ECHDC1: variants seen among roughly 807,000 people sequenced by gnomAD.
The protein encoded by ECHDC1 is ethylmalonyl-CoA decarboxylase.
Under a neutral mutation model 29.7 loss-of-function variants are expected in ECHDC1, and 29 were observed. The observed-to-expected ratio is 0.98, with a 90% confidence interval of 0.73 to 1.33. The LOEUF is 1.33. Among genes scored for constraint, ECHDC1 ranks in the 40% most tolerant of loss-of-function variants. ECHDC1 has a pLI of 0.00. For synonymous variants in ECHDC1, 126 were observed against 123.1 expected (o/e 1.02, Z -0.15); for missense variants, 328 against 350.0 (o/e 0.94, Z 0.50).
intron 3 of ECHDC1, among the ~76,000 whole-genome samples, chr6:127,317,284 T>C (rs1782465350): frequency 6.6e-6 from 1 of 152,108 alleles, no homozygotes; most frequent in Middle Eastern, 3.2e-3. Context: ...CCTAAATCCA[T>C]GCAGTTTCAA....
At chr6:127,323,042 A>C (rs1782972941) in intron 3 of ECHDC1, among the ~76,000 whole-genome samples, 1 of 152,178 alleles carries the variant, frequency 6.6e-6, no homozygotes, top group Non-Finnish European at 1.5e-5. Flanking sequence ...GATCTCATGT[A>C]CACAAACTTT....
At chr6:127,301,165 A>G (rs1781024201) in intron 5 of ECHDC1, among the ~76,000 whole-genome samples, 1 of 152,214 alleles carries the variant, frequency 6.6e-6, no homozygotes, top group Non-Finnish European at 1.5e-5. Context: ...ATTTTACATG[A>G]AAAGTATGAC....
chr6:127,296,184 T>TTG (rs1262569758), intron 5 of ECHDC1, among the ~76,000 whole-genome samples: 4 of 152,080 alleles, frequency 2.6e-5, no homozygotes, highest in African/African-American at 4.8e-5. Context: ...ATGACTACTT[T>TTG]TGTGTGTGTG....
intron 1 of ECHDC1, among the ~76,000 whole-genome samples, chr6:127,340,567 C>T (rs893778786): frequency 6.6e-6 from 1 of 152,188 alleles, no homozygotes; most frequent in Non-Finnish European, 1.5e-5. Flanking sequence ...TATTCAGAGC[C>T]AAACATAGCA....
At chr6:127,329,812 T>C (rs1392172852) in intron 2 of ECHDC1, 1 of 419,316 alleles carries the variant, frequency 2.4e-6, no homozygotes, top group Admixed American at 2.9e-5. Flanking sequence ...AAATTGCACA[T>C]GTGGCTCACC....
chr6:127,329,573 T>G (rs1245230241), intron 2 of ECHDC1, among the ~76,000 whole-genome samples: 1 of 152,196 alleles, frequency 6.6e-6, no homozygotes, highest in Non-Finnish European at 1.5e-5. Context: ...CACCTGTGTG[T>G]ACTGAGCACT....
At chr6:127,301,740 G>A (rs1395509170) in intron 5 of ECHDC1, among the ~76,000 whole-genome samples, 1 of 152,100 alleles carries the variant, frequency 6.6e-6, no homozygotes, top group East Asian at 1.9e-4. Flanking sequence ...GAGTAGCCTA[G>A]GACAGTGCTT....
intron 1 of ECHDC1, among the ~76,000 whole-genome samples, chr6:127,338,510 G>C (rs1428712425): frequency 6.6e-6 from 1 of 151,820 alleles, no homozygotes; most frequent in Non-Finnish European, 1.5e-5. Flanking sequence ...CATTAAATCA[G>C]TGCATGGAAT....
chr6:127,298,324 GCTT>G (rs2114566818), intron 5 of ECHDC1, among the ~76,000 whole-genome samples: 1 of 101,670 alleles, frequency 9.8e-6, no homozygotes, highest in Non-Finnish European at 2.8e-5. Flanking sequence ...ATGTGTACAT[GCTT>G]TTTTTTGCCA....
chr6:127,324,931 C>G (rs1323509316), intron 3 of ECHDC1, among the ~76,000 whole-genome samples: 1 of 152,138 alleles, frequency 6.6e-6, no homozygotes, highest in Non-Finnish European at 1.5e-5. Flanking sequence ...TATATGTCCC[C>G]CTTCCAGGAG....
intron 3 of ECHDC1, among the ~76,000 whole-genome samples, chr6:127,322,669 T>C (rs1479890024): frequency 1.3e-5 from 2 of 151,192 alleles, no homozygotes; most frequent in Admixed American, 6.6e-5. Flanking sequence ...TACAATGATG[T>C]ATATATAAAA....
At position 127,288,886 on chromosome 6, in the gene ECHDC1, T is replaced by G. The variant is rs1022143744; in HGVS notation, c.*983A>C. The G allele has an allele frequency of 2.6e-5, 4 of 152,050 alleles. No individual in the cohort carries two copies. Among genetic ancestry groups the G allele is most frequent in the African/African-American group, 9.7e-5 (4 of 41,430 alleles). 9.4% of individuals were successfully genotyped at this position (152,050 alleles called of 1,614,324 possible). On this transcript the variant is annotated 3_prime_UTR_variant, in exon 6 of 6. Transcript: ENST00000454859. ...GATGGTAAGGCAAATGCAAGTTATT[T>G]TTACCATGATTCTCAAATGTGAATT...
In ECHDC1 at chr6:127,342,664, G is replaced by A. The variant is rs749119251; in HGVS notation, c.-3+672C>T. Reference sequence around the variant, plus strand: ...CTAGAGCAACAACTGCTATACAGGAGCCCAGATGTGGAACAGAGCAAAGAA... The same window carrying A: ...CTAGAGCAACAACTGCTATACAGGAACCCAGATGTGGAACAGAGCAAAGAA... On this transcript the variant is annotated intron_variant, in intron 1 of 5. Coordinates refer to ENST00000454859, the MANE Select transcript of ECHDC1 (RefSeq NM_001002030.2). 8.3e-6 allele frequency: 3 copies of A among 363,000 alleles called. No homozygotes were observed. The Admixed American group carries it at 1.3e-4, about 16-fold the overall frequency. 22.5% of individuals were successfully genotyped at this position (363,000 alleles called of 1,614,324 possible).
At chr6:127,308,329 A>C (rs1319253390) in intron 5 of ECHDC1, among the ~76,000 whole-genome samples, 6 of 152,234 alleles carry the variant, frequency 3.9e-5, no homozygotes, top group Admixed American at 6.5e-5. Context: ...TCTGGGATGC[A>C]AGGATGGTTC....
At chr6:127,302,630 C>A (rs550866870) in intron 5 of ECHDC1, among the ~76,000 whole-genome samples, 98 of 152,128 alleles carry the variant, frequency 6.4e-4, no homozygotes, top group African/African-American at 2.3e-3. Flanking sequence ...GAACTCCTGA[C>A]CTCAGGTGAT....
At chr6:127,306,120 T>C (rs1439523764) in intron 5 of ECHDC1, among the ~76,000 whole-genome samples, 1 of 151,632 alleles carries the variant, frequency 6.6e-6, no homozygotes, top group Non-Finnish European at 1.5e-5. Flanking sequence ...AGATATTCCA[T>C]GACAATGAAA....
intron 1 of ECHDC1, chr6:127,343,092 C>G (rs949150231): frequency 6.6e-6 from 1 of 152,206 alleles, no homozygotes; most frequent in Non-Finnish European, 1.5e-5. Context: ...CATCTCTTCC[C>G]CTCGCCCTCT....
intron 5 of ECHDC1, among the ~76,000 whole-genome samples, chr6:127,292,022 A>C (rs1002686703): frequency 2.0e-5 from 3 of 152,104 alleles, no homozygotes; most frequent in Admixed American, 2.0e-4. Context: ...AAGGAATAGA[A>C]ATTACAGAAA....
At chr6:127,330,301 A>G (rs1014123682) in intron 2 of ECHDC1, among the ~76,000 whole-genome samples, 3 of 152,212 alleles carry the variant, frequency 2.0e-5, no homozygotes, top group African/African-American at 7.2e-5. Flanking sequence ...TCTAAGAGTT[A>G]GGGAAGATTC....
Sources: allele counts gnomAD v4.1 joint callset (sites outside exome capture counted in the v4.1 genomes callset), GRCh38; gene constraint gnomAD v4.1.1; transcripts MANE v1.5; gene names NCBI Gene and HGNC (gene_info 2026-07-23, HGNC 2026-07-21).